Variants in PEX16 observed in about 807,000 individuals in gnomAD.
The protein encoded by PEX16 is peroxisomal biogenesis factor 16, also known as peroxin 16.
Under a neutral mutation model 50.5 loss-of-function variants are expected in PEX16, and 37 were observed. That is an observed-to-expected ratio of 0.73 (90% CI 0.56 to 0.96). The LOEUF (loss-of-function observed/expected upper bound fraction) is 0.96. PEX16 is among the 40% of genes least tolerant of loss of function. The pLI is 0.00. For missense variants in PEX16, 401 were observed against 438.3 expected (o/e 0.91, Z 0.76); for synonymous variants, 185 against 190.3 (o/e 0.97, Z 0.23).
chr11:45,910,504 G>A (rs933857242), intron 10 of PEX16, among the ~76,000 whole-genome samples, 192 bp from the exon 11 acceptor site: 1 of 152,206 alleles, frequency 6.6e-6, no homozygotes, highest in African/African-American at 2.4e-5. Flanking sequence ...CTCAGCCAGG[G>A]TAGACACTGA....
At position 45,909,700 on chromosome 11, in the gene PEX16, G is replaced by A. The variant is rs1403994119; in HGVS notation, c.*554C>T. 3 of 290,304 alleles carry A rather than the reference G, an allele frequency of 1.0e-5. No individual in the cohort carries two copies. The highest frequency in any genetic ancestry group is 4.5e-5 in the Admixed American group (1 of 22,014). The allele number at this position is 290,304 out of a possible 1,614,324, so 18.0% of individuals were successfully genotyped here. On this transcript the variant is annotated 3_prime_UTR_variant, in exon 11 of 11. Coordinates refer to ENST00000378750, the MANE Select transcript of PEX16 (RefSeq NM_004813.4). ...AGAAAAGCCTTTTACTCTCAACCGA[G>A]GATGCAGGGCTTAAAGTGCCACTTG...
rs2086809902 is a variant in PEX16, at chr11:45,914,355, T to C, written c.655A>G (p.Ile219Val). The C allele has an allele frequency of 1.2e-6, 2 of 1,612,010 alleles. No individual in the cohort carries two copies. Among genetic ancestry groups the C allele is most frequent in the Non-Finnish European group, 1.7e-6 (2 of 1,180,018 alleles). Residue 219 changes from isoleucine to valine, a missense_variant, in exon 7 of 11, where the codon ATC becomes GTC. Transcript: ENST00000378750. ...TPTPLGLQET[I>V]AEFLYIARPL... Reference sequence around the variant, plus strand: ...CGGGCAATGTACAAAAACTCTGCGATGGTCTCCTGCAGCCCCAGGGGGGTG... The same window carrying C: ...CGGGCAATGTACAAAAACTCTGCGACGGTCTCCTGCAGCCCCAGGGGGGTG...
rs369008253 is a variant in PEX16, at chr11:45,916,209, T to A, written c.225+18A>T. 17 of 1,597,834 alleles carry A rather than the reference T, an allele frequency of 1.1e-5. No individual in the cohort carries two copies. In the African/African-American group the frequency reaches 2.3e-4, roughly 21 times the overall value. ...TGAGTCCCCATGCTTCCCACCCTGTTCTTGGCAGAATTCTCACCACAGGCA... is the reference window on the plus strand; with the variant it reads ...TGAGTCCCCATGCTTCCCACCCTGTACTTGGCAGAATTCTCACCACAGGCA... On this transcript the variant is annotated intron_variant, in intron 3 of 10. Coordinates refer to ENST00000378750, the MANE Select transcript of PEX16 (RefSeq NM_004813.4).
Position 45,910,177 on chromosome 11 carries a change from G to A in PEX16, c.*77C>T, listed in dbSNP as rs766247986. 8.1e-6 allele frequency: 13 copies of A among 1,612,154 alleles called. No individual in the cohort carries two copies. Among genetic ancestry groups the A allele is most frequent in the Admixed American group, 3.3e-5 (2 of 60,014 alleles). On this transcript the variant is annotated 3_prime_UTR_variant, in exon 11 of 11. Coordinates refer to ENST00000378750, the MANE Select transcript of PEX16 (RefSeq NM_004813.4). ...GCACGGAGAGGCCGCACGCTGGGAC[G>A]CTGCCGGAGTCAGTTTTATTAGGGA...
upstream of PEX16, chr11:45,918,769 C>T (rs2086868633): frequency 6.6e-6 from 1 of 152,230 alleles, no homozygotes; most frequent in South Asian, 2.1e-4. Context: ...GGAGTATCTT[C>T]CCAAACCAAG....
intron 2 of PEX16, 146 bp from the exon 3 acceptor site, chr11:45,916,449 T>G: frequency 4.1e-6 from 3 of 736,854 alleles, no homozygotes; most frequent in Non-Finnish European, 2.5e-6. Flanking sequence ...CTCCACCCAC[T>G]TCCTCAGCAC....
rs770223341 is a variant in PEX16, at chr11:45,909,697, C to T, written c.*557G>A. The T allele has an allele frequency of 1.1e-5, 3 of 280,772 alleles. No homozygotes were observed. Among genetic ancestry groups the T allele is most frequent in the African/African-American group, 4.3e-5 (2 of 46,354 alleles). The allele number at this position is 280,772 out of a possible 1,614,324, so 17.4% of individuals were successfully genotyped here. ...GGGAGAAAAGCCTTTTACTCTCAAC[C>T]GAGGATGCAGGGCTTAAAGTGCCAC... On this transcript the variant is annotated 3_prime_UTR_variant, in exon 11 of 11. Coordinates refer to ENST00000378750, the MANE Select transcript of PEX16 (RefSeq NM_004813.4).
At chr11:45,915,596 G>GGGGAGGTGGCTAGCCGGC in intron 4 of PEX16, 28 bp from the exon 5 acceptor site, 1 of 1,613,156 alleles carries the variant, frequency 6.2e-7, no homozygotes, top group South Asian at 1.1e-5. Context: ...TCAGGGTTGT[G>GGGGAGGTGGCTAGCCGGC]GGGAGGTGGC....
At chr11:45,917,433 C>G in intron 2 of PEX16, 25 bp downstream of exon 2, 2 of 1,611,718 alleles carry the variant, frequency 1.2e-6, no homozygotes, top group Non-Finnish European at 1.7e-6. Flanking sequence ...GATCCCCCAT[C>G]CCCCACCCCC....
rs1480768145 is a variant in PEX16, at chr11:45,914,628, G to A, written c.517C>T (p.Arg173Trp). Residue 173 changes from arginine (R) to tryptophan (W), a missense_variant, in exon 6 of 11, where the codon CGG becomes TGG. Arg to Trp is a moderately radical substitution (Grantham distance 101). Coordinates refer to ENST00000378750, the MANE Select transcript of PEX16 (RefSeq NM_004813.4). ...CTGTTCTGGAGGGTTCGCACCACCC[G>A]GTTTGACCGCTTCCCCACGTAGGAC... ...EQSYVGKRSN[R>W]VVRTLQNTPS... 10 of 1,614,098 alleles carry A rather than the reference G, an allele frequency of 6.2e-6. No homozygotes were observed. Among genetic ancestry groups the A allele is most frequent in the East Asian group, 2.2e-5 (1 of 44,896 alleles).
chr11:45,918,251 G>T, upstream of PEX16: 1 of 270,758 alleles, frequency 3.7e-6, no homozygotes, highest in Non-Finnish European at 7.4e-6. Flanking sequence ...GACTCGAACG[G>T]CAGGGCCGGA....
intron 3 of PEX16, 114 bp from the exon 4 acceptor site, chr11:45,915,950 C>A (rs563530981): frequency 2.3e-4 from 250 of 1,068,608 alleles, no homozygotes; most frequent in Non-Finnish European, 3.5e-4. Flanking sequence ...CCTTTCCAAG[C>A]CTAACTGTGC....
At chr11:45,915,958 T>C in intron 3 of PEX16, 122 bp from the exon 4 acceptor site, 1 of 1,018,188 alleles carries the variant, frequency 9.8e-7, no homozygotes, top group Non-Finnish European at 1.5e-6. Flanking sequence ...AGCCTAACTG[T>C]GCAGGTGTGA....
intron 9 of PEX16, among the ~76,000 whole-genome samples, chr11:45,913,539 G>A (rs961966622): frequency 4.6e-5 from 7 of 152,236 alleles, no homozygotes; most frequent in African/African-American, 1.7e-4. Flanking sequence ...ATGGGCGCCC[G>A]CCCTGTCGCC....
chr11:45,913,989 C>A (rs763792225), intron 8 of PEX16, 51 bp from the exon 9 acceptor site: 3 of 1,608,074 alleles, frequency 1.9e-6, no homozygotes, highest in Non-Finnish European at 2.5e-6. Flanking sequence ...TCTAGGCCCA[C>A]GGAAGGGGAG....
chr11:45,911,801 A>G (rs1289676492), intron 9 of PEX16: 1 of 150,686 alleles, frequency 6.6e-6, no homozygotes, highest in Non-Finnish European at 1.5e-5. Context: ...AGGCGGGCAG[A>G]TCAATTGTGG....
intron 9 of PEX16, 75 bp from the exon 10 acceptor site, chr11:45,911,037 CCT>C: frequency 1.0e-6 from 1 of 975,972 alleles, no homozygotes; most frequent in Non-Finnish European, 1.6e-6. Flanking sequence ...GGCCCAGAGG[CCT>C]TCACTGACCA....
chr11:45,910,429 C>T, intron 10 of PEX16, 117 bp from the exon 11 acceptor site: 1 of 837,632 alleles, frequency 1.2e-6, no homozygotes, highest in South Asian at 1.4e-5. Flanking sequence ...TCTTGCCCTG[C>T]CCCCAGGAGG....
At chr11:45,917,994 C>G, upstream of PEX16, 1 of 666,342 alleles carries the variant, frequency 1.5e-6, no homozygotes, top group Non-Finnish European at 2.7e-6. Flanking sequence ...TCTTGAACCG[C>G]TTCCCACTCG....
Sources: gnomAD v4.1 joint callset for allele counts (sites outside exome capture counted in the v4.1 genomes callset) on GRCh38, gnomAD v4.1.1 for gene constraint, MANE v1.5 for transcripts, NCBI Gene and HGNC (gene_info 2026-07-23, HGNC 2026-07-21) for gene names.